Variants in EXOC4 observed in about 807,000 individuals in gnomAD.
EXOC4 encodes SEC8-like 1.
Under a neutral mutation model 107.2 loss-of-function variants are expected in EXOC4, and 71 were observed. The ratio of observed to expected loss-of-function variants is 0.66; its 90% CI spans 0.55 to 0.81. The LOEUF (loss-of-function observed/expected upper bound fraction) is 0.81, where lower values mean the gene tolerates loss of function less well. EXOC4 is among the 30% of genes least tolerant of loss of function. The probability of loss-of-function intolerance (pLI) is 0.00; values close to 1 mark genes in which losing one functional copy is unlikely to be tolerated. For synonymous variants in EXOC4, 456 were observed against 441.2 expected (o/e 1.03, Z -0.42); for missense variants, 1,108 against 1,189.6 (o/e 0.93, Z 1.01).
chr7:133,907,621 T>G (rs1241002494), intron 12 of EXOC4, among the ~76,000 whole-genome samples: 1 of 152,154 alleles, frequency 6.6e-6, no homozygotes, highest in East Asian at 1.9e-4. Context: ...GTGGATCACC[T>G]TGAGGTCAGG....
rs1794379218 is a variant in EXOC4, at chr7:133,995,871, A to G, written c.2207-1621A>G. ...TAGTGCTGAAAGGTCATAAGTGTAG[A>G]CACTACACACTACAGCAAGATGTTG... On this transcript the variant is annotated intron_variant, in intron 14 of 17. Transcript: ENST00000253861. Among the ~76,000 whole-genome samples the G allele has an allele frequency of 5.3e-5, 8 of 152,172 alleles. No homozygotes were observed. In the South Asian group the frequency reaches 1.2e-3, roughly 24 times the overall value.
rs533002174 is a variant in EXOC4 at position 133,827,543 on chromosome 7, A to G, written c.1734+9999A>G. Among the ~76,000 whole-genome samples, 69 of 152,316 alleles carry G rather than the reference A, an allele frequency of 4.5e-4. No homozygotes were observed. The South Asian group carries it at 0.012, about 26-fold the overall frequency. ...AATAACAGAGGGACTAGAGATAAACATTATTTTCATTTGTCTTCAGAAAAT... is the reference window on the plus strand; with the variant it reads ...AATAACAGAGGGACTAGAGATAAACGTTATTTTCATTTGTCTTCAGAAAAT... On this transcript the variant is annotated intron_variant, in intron 11 of 17. Transcript: ENST00000253861.
At chr7:133,979,520 G>T in intron 14 of EXOC4, among the ~76,000 whole-genome samples, 1 of 152,146 alleles carries the variant, frequency 6.6e-6, no homozygotes, top group Non-Finnish European at 1.5e-5. Context: ...GGGTGCGGTG[G>T]CTCACGCCTG....
intron 5 of EXOC4, among the ~76,000 whole-genome samples, chr7:133,326,729 C>G (rs1735222831): frequency 6.6e-6 from 1 of 152,326 alleles, no homozygotes; most frequent in East Asian, 1.9e-4. Context: ...CTACAAACTT[C>G]AAAGCTGTCA....
chr7:133,459,752 T>C (rs1798545707), intron 7 of EXOC4, among the ~76,000 whole-genome samples: 1 of 152,200 alleles, frequency 6.6e-6, no homozygotes, highest in African/African-American at 2.4e-5. Context: ...GTACTTTATG[T>C]ATGCAGGACA....
chr7:133,777,600 G>C (rs995953023), intron 10 of EXOC4, among the ~76,000 whole-genome samples: 1 of 152,172 alleles, frequency 6.6e-6, no homozygotes, highest in Non-Finnish European at 1.5e-5. Context: ...ATTTGGAATT[G>C]TAGTAGAAAG....
intron 10 of EXOC4, among the ~76,000 whole-genome samples, chr7:133,813,096 C>T (rs1436147751): frequency 6.6e-6 from 1 of 152,100 alleles, no homozygotes; most frequent in Middle Eastern, 3.2e-3. Context: ...ACAACGTCAA[C>T]CTGTATGTGT....
chr7:133,542,625 G>T (rs1800402265), intron 9 of EXOC4, among the ~76,000 whole-genome samples: 1 of 152,068 alleles, frequency 6.6e-6, no homozygotes, highest in Non-Finnish European at 1.5e-5. Flanking sequence ...GGGTAGCCTT[G>T]GGGGAGAATA....
At chr7:133,509,887 C>T (rs71535759) in intron 9 of EXOC4, among the ~76,000 whole-genome samples, 13 of 152,230 alleles carry the variant, frequency 8.5e-5, no homozygotes, top group Non-Finnish European at 1.6e-4. Flanking sequence ...ACTGGATCCC[C>T]GTCATCTTAC....
intron 10 of EXOC4, among the ~76,000 whole-genome samples, chr7:133,779,223 T>A (rs1424073690): frequency 6.6e-6 from 1 of 152,186 alleles, no homozygotes; most frequent in Non-Finnish European, 1.5e-5. Flanking sequence ...TACTGTAAAA[T>A]TTATATCTAC....
At chr7:133,888,192 T>TCCC (rs56255935) in intron 11 of EXOC4, among the ~76,000 whole-genome samples, 93,738 of 151,696 alleles carry the variant, frequency 0.62, 31,496 homozygotes, top group African/African-American at 0.9. Flanking sequence ...TTCAAGCTAA[T>TCCC]CCATTGTGTT....
intron 10 of EXOC4, among the ~76,000 whole-genome samples, chr7:133,802,905 C>T (rs555749129): frequency 6.8e-6 from 1 of 147,924 alleles, no homozygotes; most frequent in East Asian, 2.0e-4. Flanking sequence ...ACCTCCTGTC[C>T]AAGAAGAACT....
At chr7:133,763,299 T>G (rs1164719628) in intron 10 of EXOC4, among the ~76,000 whole-genome samples, 1 of 152,126 alleles carries the variant, frequency 6.6e-6, no homozygotes, top group Non-Finnish European at 1.5e-5. Flanking sequence ...AAATGCTGTC[T>G]CGAAGTCACC....
At chr7:133,900,910 C>G (rs1799437395) in intron 12 of EXOC4, among the ~76,000 whole-genome samples, 1 of 152,114 alleles carries the variant, frequency 6.6e-6, no homozygotes, top group Admixed American at 6.5e-5. Flanking sequence ...CACTCTGTTG[C>G]CCAGGCTGGA....
At chr7:133,626,104 G>A (rs1019136829) in intron 9 of EXOC4, among the ~76,000 whole-genome samples, 8 of 152,140 alleles carry the variant, frequency 5.3e-5, no homozygotes, top group Admixed American at 3.9e-4. Context: ...CTACTCAGGA[G>A]GCTGAGACAG....
chr7:133,787,972 TATA>T (rs1796620595), intron 10 of EXOC4, among the ~76,000 whole-genome samples: 4 of 38,568 alleles, frequency 1.0e-4, no homozygotes, highest in Non-Finnish European at 2.1e-4. Context: ...TTTATATATA[TATA>T]TATATATATA....
At chr7:134,085,715 G>C in the EXOC4 span, among the ~76,000 whole-genome samples, 9 of 152,138 alleles carry the variant, frequency 5.9e-5, no homozygotes, top group African/African-American at 2.2e-4. Flanking sequence ...TTGGGATCTG[G>C]GGTGTAAAAC....
chr7:133,955,078 T>G lies in EXOC4; in HGVS notation c.2206+17009T>G, dbSNP rs1003243706. Among the ~76,000 whole-genome samples, 3 of 152,228 alleles carry G rather than the reference T, an allele frequency of 2.0e-5. No homozygotes were observed. The East Asian group carries it at 5.8e-4, about 29-fold the overall frequency. Reference sequence around the variant, plus strand: ...AGCTCTTCTCTCCTCTCTTCTGTCCTTGTTGCTTGCAACTTGGTGAGCAAG... The same window carrying G: ...AGCTCTTCTCTCCTCTCTTCTGTCCGTGTTGCTTGCAACTTGGTGAGCAAG... On this transcript the variant is annotated intron_variant, in intron 14 of 17. Coordinates refer to ENST00000253861, the MANE Select transcript of EXOC4 (RefSeq NM_021807.4).
At chr7:134,064,252 T>G in intron 17 of EXOC4, 39 bp from the exon 18 acceptor site, 4 of 1,339,446 alleles carry the variant, frequency 3.0e-6, no homozygotes, top group Non-Finnish European at 4.0e-6. Flanking sequence ...ACGTTACCAG[T>G]GGGGAGCCAG....
Sources: gnomAD v4.1 joint callset for allele counts (sites outside exome capture counted in the v4.1 genomes callset) on GRCh38, gnomAD v4.1.1 for gene constraint, MANE v1.5 for transcripts, NCBI Gene and HGNC (gene_info 2026-07-23, HGNC 2026-07-21) for gene names.